BLTP1: variants seen among roughly 807,000 people sequenced by gnomAD.
BLTP1 encodes the protein fragile site-associated protein.
chr4:122,168,248 C>T, the BLTP1 span, among the ~76,000 whole-genome samples: 1 of 152,080 alleles, frequency 6.6e-6, no homozygotes, highest in African/African-American at 2.4e-5. Context: ...CAACCTCTTC[C>T]CACATTCTTT....
chr4:122,206,354 G>A, the BLTP1 span, among the ~76,000 whole-genome samples: 1 of 151,964 alleles, frequency 6.6e-6, no homozygotes, highest in Admixed American at 6.6e-5. Flanking sequence ...AAAACAGATA[G>A]ATGATAGAAA....
the BLTP1 span, chr4:122,305,535 G>A: frequency 1.9e-5 from 19 of 984,562 alleles, no homozygotes; most frequent in African/African-American, 5.3e-5. Flanking sequence ...AAACTGAATC[G>A]CTGCATTAAA....
the BLTP1 span, among the ~76,000 whole-genome samples, chr4:122,296,613 A>G: frequency 3.9e-5 from 6 of 152,316 alleles, no homozygotes; most frequent in Non-Finnish European, 5.9e-5. Context: ...AGCCAAGACA[A>G]TCCTAAGCAA....
At chr4:122,193,589 C>A in the BLTP1 span, 3 of 596,782 alleles carry the variant, frequency 5.0e-6, no homozygotes, top group Non-Finnish European at 6.3e-6. Context: ...AAGAAGGGGA[C>A]ATTTACCATT....
the BLTP1 span, among the ~76,000 whole-genome samples, chr4:122,213,570 A>G: frequency 6.6e-6 from 1 of 152,114 alleles, no homozygotes; most frequent in African/African-American, 2.4e-5. Flanking sequence ...TCAAAATTAA[A>G]CATCAAGAAA....
At chr4:122,307,530 C>T in the BLTP1 span, 1 of 985,208 alleles carries the variant, frequency 1.0e-6, no homozygotes, top group Non-Finnish European at 1.2e-6. Flanking sequence ...TGACTTTTCT[C>T]TGTAAATCAG....
chr4:122,224,614 A>C, the BLTP1 span: 82 of 1,614,022 alleles, frequency 5.1e-5, no homozygotes, highest in Non-Finnish European at 6.9e-5. Context: ...GCGATTCCTT[A>C]GAATACGCAT....
chr4:122,194,685 T>C, the BLTP1 span: 4 of 881,508 alleles, frequency 4.5e-6, no homozygotes, highest in Non-Finnish European at 5.4e-6. Flanking sequence ...TTTTAGCACT[T>C]AAATAAAGTG....
At chr4:122,180,025 TACACAC>T in the BLTP1 span, 101 of 907,778 alleles carry the variant, frequency 1.1e-4, no homozygotes, top group Middle Eastern at 1.1e-3. Flanking sequence ...CACGTGCATG[TACACAC>T]ACACACACAC....
chr4:122,159,633 T>C, the BLTP1 span, among the ~76,000 whole-genome samples: 1 of 152,198 alleles, frequency 6.6e-6, no homozygotes. Context: ...TAATGTTTTT[T>C]GTCAAGTGCT....
chr4:122,169,727 A>G, the BLTP1 span: 1 of 984,116 alleles, frequency 1.0e-6, no homozygotes, highest in Non-Finnish European at 1.2e-6. Context: ...ATGTGTATGC[A>G]TACAAATATT....
At chr4:122,175,919 G>A in the BLTP1 span, 1 of 1,335,248 alleles carries the variant, frequency 7.5e-7, no homozygotes, top group Non-Finnish European at 1.1e-6. Context: ...AACATGGTGA[G>A]TTTTCATTTT....
chr4:122,238,194 CTCATAGT>C, the BLTP1 span: 1 of 1,614,016 alleles, frequency 6.2e-7, no homozygotes, highest in Non-Finnish European at 8.5e-7. Flanking sequence ...CCATTACGAT[CTCATAGT>C]TCATCCTCTT....
At chr4:122,220,289 T>C in the BLTP1 span, 1 of 1,593,342 alleles carries the variant, frequency 6.3e-7, no homozygotes, top group Non-Finnish European at 8.5e-7. Context: ...TCCTTACTTT[T>C]TGCCTTTTCT....
the BLTP1 span, among the ~76,000 whole-genome samples, chr4:122,290,197 C>G: frequency 6.6e-6 from 1 of 152,058 alleles, no homozygotes; most frequent in Non-Finnish European, 1.5e-5. Flanking sequence ...TTGAGGAAGC[C>G]CTGCAGAGCT....
chr4:122,329,023 T>C, the BLTP1 span, among the ~76,000 whole-genome samples: 5 of 151,904 alleles, frequency 3.3e-5, no homozygotes, highest in Non-Finnish European at 1.5e-5. Flanking sequence ...TTCAATCTTC[T>C]ACATTTTGAG....
chr4:122,285,316 G>C, the BLTP1 span, among the ~76,000 whole-genome samples: 1 of 152,152 alleles, frequency 6.6e-6, no homozygotes, highest in Non-Finnish European at 1.5e-5. Flanking sequence ...CTGAGGCCTA[G>C]GATTATTTCA....
the BLTP1 span, chr4:122,190,239 G>A: frequency 1.6e-6 from 1 of 617,876 alleles, no homozygotes; most frequent in Non-Finnish European, 2.0e-6. Flanking sequence ...TAAGATGACA[G>A]GAATATGCCA....
At chr4:122,243,771 G>A in the BLTP1 span, 2 of 1,371,526 alleles carry the variant, frequency 1.5e-6, no homozygotes, top group Admixed American at 6.4e-5. Flanking sequence ...TGTAATGAAT[G>A]CATGTGTTCA....
Sources: allele counts gnomAD v4.1 joint callset (sites outside exome capture counted in the v4.1 genomes callset), GRCh38; gene constraint gnomAD v4.1.1; transcripts MANE v1.5; gene names NCBI Gene and HGNC (gene_info 2026-07-23, HGNC 2026-07-21).